CSMD3: variants seen among roughly 807,000 people sequenced by gnomAD.
The protein encoded by CSMD3 is CUB and Sushi multiple domains 3.
In CSMD3, 177 loss-of-function variants were observed where a neutral mutation model predicts 435.2. The observed-to-expected ratio is 0.41, with a 90% CI of 0.36 to 0.46. The LOEUF (loss-of-function observed/expected upper bound fraction) is 0.46, where lower values mean the gene tolerates loss of function less well. Among genes scored for constraint, CSMD3 ranks in the 20% least tolerant of loss-of-function variants. CSMD3 has a pLI of 0.34. For missense variants in CSMD3, 4,265 were observed against 4,504.6 expected, an observed-to-expected ratio of 0.95 and a Z score of 1.52; for synonymous variants, 1,656 against 1,520.5, an observed-to-expected ratio of 1.09 and a Z score of -2.07.
intron 38 of CSMD3, among the ~76,000 whole-genome samples, chr8:112,366,329 T>C (rs1827778397): frequency 6.6e-6 from 1 of 152,190 alleles, no homozygotes; most frequent in African/African-American, 2.4e-5. Context: ...ATGCTCCTGC[T>C]CATTCCTCTC....
intron 10 of CSMD3, among the ~76,000 whole-genome samples, chr8:112,886,142 A>C (rs1248103856): frequency 6.6e-6 from 1 of 151,624 alleles, no homozygotes; most frequent in East Asian, 1.9e-4. Context: ...ATTTAGGATA[A>C]ACATTAAGAG....
At chr8:112,315,799 A>G (rs1178166319) in intron 47 of CSMD3, among the ~76,000 whole-genome samples, 4 of 151,856 alleles carry the variant, frequency 2.6e-5, no homozygotes, top group African/African-American at 9.7e-5. Flanking sequence ...TAATTCATCT[A>G]CTATACCTTA....
intron 32 of CSMD3, among the ~76,000 whole-genome samples, chr8:112,422,903 T>C (rs986674432): frequency 2.6e-5 from 4 of 152,206 alleles, no homozygotes; most frequent in African/African-American, 9.6e-5. Context: ...GATGATAGAA[T>C]ATCAATGTGG....
chr8:112,645,722 G>T (rs2074962018), intron 19 of CSMD3, among the ~76,000 whole-genome samples: 8 of 152,074 alleles, frequency 5.3e-5, no homozygotes, highest in Admixed American at 5.2e-4. Context: ...ACAAAAACGA[G>T]TTTTGTAAGT....
chr8:113,018,778 A>G, intron 6 of CSMD3: 2 of 386,016 alleles, frequency 5.2e-6, no homozygotes. Context: ...TTCAGATAGT[A>G]TATCCAATTG....
chr8:113,156,740 A>ATAAATAAATAAATAAATAAATAAT (rs2091937628), intron 4 of CSMD3, among the ~76,000 whole-genome samples: 1 of 134,536 alleles, frequency 7.4e-6, no homozygotes, highest in Non-Finnish European at 1.5e-5. Flanking sequence ...ACCTAAATAA[A>ATAAATAAATAAATAAATAAATAAT]TAAATAAATA....
chr8:112,508,040 A>T (rs538198216), intron 28 of CSMD3, among the ~76,000 whole-genome samples: 2 of 152,178 alleles, frequency 1.3e-5, no homozygotes, highest in African/African-American at 4.8e-5. Context: ...TGCCTCCTGA[A>T]TATTTCTCTT....
At chr8:112,412,397 G>T (rs1011383415) in intron 32 of CSMD3, among the ~76,000 whole-genome samples, 35 of 151,922 alleles carry the variant, frequency 2.3e-4, no homozygotes, top group African/African-American at 8.2e-4. Flanking sequence ...AGCACATACA[G>T]AATTCCCTGC....
chr8:112,640,632 A>G (rs568761018), intron 20 of CSMD3, among the ~76,000 whole-genome samples: 1 of 152,082 alleles, frequency 6.6e-6, no homozygotes, highest in South Asian at 2.1e-4. Context: ...CAGCAATACA[A>G]GAGCCCTTTT....
At chr8:112,676,978 C>T (rs2075783128) in intron 16 of CSMD3, among the ~76,000 whole-genome samples, 1 of 152,152 alleles carries the variant, frequency 6.6e-6, no homozygotes, top group Non-Finnish European at 1.5e-5. Context: ...CTTGCTGTCT[C>T]TCTTCTCGTT....
chr8:112,939,515 C>T (rs571313991), intron 9 of CSMD3, among the ~76,000 whole-genome samples: 3 of 152,088 alleles, frequency 2.0e-5, no homozygotes, highest in African/African-American at 4.8e-5. Flanking sequence ...TAAATAACTT[C>T]CCCAAGTCAA....
At chr8:112,614,981 T>C (rs1024208222) in intron 22 of CSMD3, among the ~76,000 whole-genome samples, 1 of 144,640 alleles carries the variant, frequency 6.9e-6, no homozygotes, top group Admixed American at 7.0e-5. Context: ...CCATTAGATA[T>C]TGAGACAACT....
intron 61 of CSMD3, among the ~76,000 whole-genome samples, chr8:112,258,358 A>G (rs1816010911): frequency 6.6e-6 from 1 of 152,252 alleles, no homozygotes; most frequent in East Asian, 1.9e-4. Flanking sequence ...AGAGAATGGG[A>G]GAAAATTTTT....
At chr8:113,101,976 T>TA (rs1266946634) in intron 4 of CSMD3, among the ~76,000 whole-genome samples, 2 of 152,096 alleles carry the variant, frequency 1.3e-5, no homozygotes, top group Non-Finnish European at 2.9e-5. Flanking sequence ...ACATACTACC[T>TA]AAGTCAATTT....
At chr8:112,690,600 A>T (rs1255860539) in intron 13 of CSMD3, among the ~76,000 whole-genome samples, 3 of 131,166 alleles carry the variant, frequency 2.3e-5, no homozygotes, top group Non-Finnish European at 5.0e-5. Flanking sequence ...CCCCCCCCCA[A>T]CAAAAAAAAA....
chr8:113,341,566 A>G (rs909288547), intron 1 of CSMD3, among the ~76,000 whole-genome samples: 2 of 152,108 alleles, frequency 1.3e-5, no homozygotes, highest in Non-Finnish European at 2.9e-5. Flanking sequence ...ACCCATAAAC[A>G]AGTAGTTTAT....
intron 12 of CSMD3, among the ~76,000 whole-genome samples, chr8:112,828,461 T>G (rs1376626431): frequency 6.6e-6 from 1 of 152,082 alleles, no homozygotes; most frequent in African/African-American, 2.4e-5. Flanking sequence ...CCCTTTGCTC[T>G]CTCTCTCTCT....
At position 112,893,874 on chromosome 8, in the gene CSMD3, C is replaced by T. The variant is rs1025297461; in HGVS notation, c.1633+27753G>A. 4.0e-5 allele frequency among the ~76,000 whole-genome samples: 6 copies of T among 151,422 alleles called. No individual in the cohort carries two copies. The East Asian group carries it at 1.2e-3, about 30-fold the overall frequency. ...AGTAATATACAGAAAGAACAGTATA[C>T]TCTTCCAATGGATATGAAAGGTCAA... is the stretch of plus-strand genomic sequence containing the variant. On this transcript the variant is annotated intron_variant, in intron 10 of 70. Transcript: ENST00000297405.
At chr8:113,178,475 T>A (rs1004876254) in intron 3 of CSMD3, among the ~76,000 whole-genome samples, 5 of 151,940 alleles carry the variant, frequency 3.3e-5, no homozygotes, top group Non-Finnish European at 7.4e-5. Flanking sequence ...ATGGAGTTTA[T>A]GATTTGGTGG....
Sources: allele counts gnomAD v4.1 joint callset (sites outside exome capture counted in the v4.1 genomes callset), GRCh38; gene constraint gnomAD v4.1.1; transcripts MANE v1.5; gene names NCBI Gene and HGNC (gene_info 2026-07-23, HGNC 2026-07-21).